NRXN3: variants seen among roughly 807,000 people sequenced by gnomAD.
NRXN3 encodes the protein neurexin III.
Under a neutral mutation model 137.6 loss-of-function variants are expected in NRXN3, and 32 were observed. The observed-to-expected ratio is 0.23, with a 90% CI of 0.18 to 0.31. The LOEUF is 0.31. NRXN3 is among the 10% of genes least tolerant of loss of function. NRXN3 has a pLI of 1.00. For synonymous variants in NRXN3, 798 were observed against 784.5 expected, an observed-to-expected ratio of 1.02 and a Z score of -0.29; for missense variants, 1,574 against 2,062.5, an observed-to-expected ratio of 0.76 and a Z score of 4.59.
intron 19 of NRXN3, among the ~76,000 whole-genome samples, chr14:79,782,630 CT>C (rs1296978922): frequency 2.0e-5 from 3 of 152,128 alleles, no homozygotes; most frequent in African/African-American, 7.2e-5. Context: ...TTCATGCTCT[CT>C]TGCATGATAG....
At chr14:79,263,662 A>G (rs1413149376) in intron 15 of NRXN3, among the ~76,000 whole-genome samples, 3 of 152,226 alleles carry the variant, frequency 2.0e-5, no homozygotes, top group Non-Finnish European at 4.4e-5. Flanking sequence ...GAAGTAATAA[A>G]TGGTTCTTCA....
intron 15 of NRXN3, among the ~76,000 whole-genome samples, chr14:79,192,480 C>T (rs2064503800): frequency 1.3e-5 from 2 of 152,098 alleles, no homozygotes; most frequent in African/African-American, 4.8e-5. Flanking sequence ...ATATTTTAGG[C>T]ATATTTTCCA....
intron 16 of NRXN3, among the ~76,000 whole-genome samples, chr14:79,622,532 A>G (rs2153902463): frequency 6.6e-6 from 1 of 152,294 alleles, no homozygotes; most frequent in East Asian, 1.9e-4. Flanking sequence ...TTAGCACAGG[A>G]TCTGGGATTT....
intron 15 of NRXN3, among the ~76,000 whole-genome samples, chr14:79,107,723 A>G (rs1354470114): frequency 1.3e-5 from 2 of 152,022 alleles, no homozygotes; most frequent in African/African-American, 4.8e-5. Flanking sequence ...ATAGAAAGGG[A>G]GGAATTGAGG....
chr14:79,387,546 G>A (rs1025874590), intron 15 of NRXN3, among the ~76,000 whole-genome samples: 8 of 152,238 alleles, frequency 5.3e-5, no homozygotes, highest in East Asian at 3.9e-4. Context: ...TCAGTGTGGC[G>A]ATTCCTCAGG....
At chr14:79,144,919 G>C (rs1016258326) in intron 15 of NRXN3, among the ~76,000 whole-genome samples, 3 of 151,264 alleles carry the variant, frequency 2.0e-5, no homozygotes, top group Non-Finnish European at 4.4e-5. Flanking sequence ...AAGAGTTAAT[G>C]GACTTATGAT....
At chr14:79,787,642 T>C (rs1423989289) in intron 19 of NRXN3, among the ~76,000 whole-genome samples, 1 of 152,226 alleles carries the variant, frequency 6.6e-6, no homozygotes, top group Non-Finnish European at 1.5e-5. Context: ...GGTGAGATCA[T>C]ACGGGATTTG....
chr14:79,803,628 A>G (rs547348071), intron 19 of NRXN3, among the ~76,000 whole-genome samples: 11 of 152,150 alleles, frequency 7.2e-5, no homozygotes, highest in African/African-American at 2.6e-4. Flanking sequence ...GGGGCTGGGG[A>G]GTAGGACTTC....
Position 79,591,226 on chromosome 14 carries a change from A to T in NRXN3, c.3445-72552A>T, listed in dbSNP as rs976338052. On this transcript the variant is annotated intron_variant, in intron 16 of 20. Coordinates refer to ENST00000335750, the MANE Select transcript of NRXN3 (RefSeq NM_001330195.2). Reference sequence around the variant, plus strand: ...TTTCTGGATAGGAAACATACTATTCATGTAACAAAATATGACATTTAAAGG... The same window carrying T: ...TTTCTGGATAGGAAACATACTATTCTTGTAACAAAATATGACATTTAAAGG... Among the ~76,000 whole-genome samples, 5 of 152,310 alleles carry T rather than the reference A, an allele frequency of 3.3e-5. No individual in the cohort carries two copies. In the East Asian group the frequency reaches 9.7e-4, roughly 29 times the overall value.
chr14:78,724,570 C>T (rs1395296028), intron 8 of NRXN3, among the ~76,000 whole-genome samples: 2 of 152,160 alleles, frequency 1.3e-5, no homozygotes, highest in East Asian at 1.9e-4. Flanking sequence ...CTTAGTCCCT[C>T]GTTTTGGTTC....
chr14:79,673,405 A>G (rs2098622335), intron 17 of NRXN3, among the ~76,000 whole-genome samples: 1 of 152,146 alleles, frequency 6.6e-6, no homozygotes, highest in African/African-American at 2.4e-5. Flanking sequence ...TAAGTTTATA[A>G]GTAGCAAATG....
intron 6 of NRXN3, among the ~76,000 whole-genome samples, chr14:78,659,479 GA>G (rs1462089833): frequency 2.0e-5 from 3 of 152,046 alleles, no homozygotes; most frequent in African/African-American, 7.2e-5. Flanking sequence ...AGGAGTTGGA[GA>G]CCAGCCTGGT....
chr14:79,817,605 A>T (rs1215151147), intron 20 of NRXN3, among the ~76,000 whole-genome samples: 1 of 152,234 alleles, frequency 6.6e-6, no homozygotes. Flanking sequence ...GGAGGCACAG[A>T]GGAGCTAAGC....
chr14:79,044,444 G>A (rs970972317), intron 15 of NRXN3, among the ~76,000 whole-genome samples: 1 of 152,098 alleles, frequency 6.6e-6, no homozygotes, highest in Non-Finnish European at 1.5e-5. Context: ...CCTTTTTCAT[G>A]TGTAAGACAA....
intron 4 of NRXN3, among the ~76,000 whole-genome samples, chr14:78,539,623 G>C (rs561459258): frequency 6.6e-6 from 1 of 151,976 alleles, no homozygotes. Context: ...GTTCTTCCCT[G>C]ATCTTACTTA....
rs896892082 is a variant in NRXN3 at position 78,833,627 on chromosome 14, T to C, written c.2275+23283T>C. On this transcript the variant is annotated intron_variant, in intron 10 of 20. Transcript: ENST00000335750. ...AATTTGGAGACTTACTTGAAGAGAATATTTGAAAAAGATTCAAAGATTTTG... is the reference window on the plus strand; with the variant it reads ...AATTTGGAGACTTACTTGAAGAGAACATTTGAAAAAGATTCAAAGATTTTG... 2.0e-5 allele frequency among the ~76,000 whole-genome samples: 3 copies of C among 152,148 alleles called. No homozygotes were observed. In the East Asian group the frequency reaches 5.8e-4, roughly 29 times the overall value.
intron 19 of NRXN3, among the ~76,000 whole-genome samples, chr14:79,802,917 A>G (rs780720406): frequency 3.9e-5 from 6 of 152,210 alleles, no homozygotes; most frequent in Non-Finnish European, 7.4e-5. Flanking sequence ...GCATCAGGAT[A>G]AACAGCTGAT....
intron 16 of NRXN3, among the ~76,000 whole-genome samples, chr14:79,481,788 C>T (rs2096610981): frequency 6.6e-6 from 1 of 151,988 alleles, no homozygotes; most frequent in South Asian, 2.1e-4. Flanking sequence ...AGGGTTTTTC[C>T]AAGACAGCTC....
At chr14:79,766,954 C>T (rs1452927777) in intron 19 of NRXN3, among the ~76,000 whole-genome samples, 1 of 152,060 alleles carries the variant, frequency 6.6e-6, no homozygotes, top group Non-Finnish European at 1.5e-5. Flanking sequence ...GAATAGCATA[C>T]CAGGAAGTGG....
Sources: gnomAD v4.1 joint callset for allele counts (sites outside exome capture counted in the v4.1 genomes callset) on GRCh38, gnomAD v4.1.1 for gene constraint, MANE v1.5 for transcripts, NCBI Gene and HGNC (gene_info 2026-07-23, HGNC 2026-07-21) for gene names.